The following DPYD variants were observed in gnomAD, a reference collection of about 807,000 sequenced individuals.
The protein encoded by DPYD is dihydropyrimidine dehydrogenase [NADP(+)].
Under a neutral mutation model 116.2 loss-of-function variants are expected in DPYD, and 109 were observed. The observed-to-expected ratio is 0.94, with a 90% CI of 0.80 to 1.10. DPYD has a LOEUF of 1.10. Among genes scored for constraint, DPYD ranks in the 50% least tolerant of loss-of-function variants. DPYD has a pLI of 0.00. For missense variants in DPYD, 1,302 were observed against 1,254.5 expected, an observed-to-expected ratio of 1.04 and a Z score of -0.57; for synonymous variants, 440 against 432.0, an observed-to-expected ratio of 1.02 and a Z score of -0.23.
At chr1:97,363,486 T>C (rs199664758) in intron 16 of DPYD, among the ~76,000 whole-genome samples, 2 of 152,152 alleles carry the variant, frequency 1.3e-5, no homozygotes, top group Non-Finnish European at 2.9e-5. Context: ...CATGCTACTA[T>C]AAAGACACAT....
intron 1 of DPYD, among the ~76,000 whole-genome samples, chr1:97,905,667 T>C (rs1673578788): frequency 6.6e-6 from 1 of 152,156 alleles, no homozygotes; most frequent in South Asian, 2.1e-4. Context: ...ATCTGGCCTG[T>C]GGATTAGACG....
At chr1:97,423,960 A>G (rs1177555796) in intron 14 of DPYD, among the ~76,000 whole-genome samples, 1 of 152,054 alleles carries the variant, frequency 6.6e-6, no homozygotes, top group East Asian at 1.9e-4. Flanking sequence ...CCAAAAATAG[A>G]CCTAGTCCTC....
chr1:97,544,073 T>A (rs576053421), intron 12 of DPYD, among the ~76,000 whole-genome samples: 1 of 152,228 alleles, frequency 6.6e-6, no homozygotes, highest in South Asian at 2.1e-4. Context: ...TGAGTAAAAG[T>A]CATTGAAGGG....
intron 1 of DPYD, among the ~76,000 whole-genome samples, chr1:97,896,590 T>C (rs1337878671): frequency 1.3e-5 from 2 of 151,920 alleles, no homozygotes; most frequent in Admixed American, 6.6e-5. Flanking sequence ...TTTAAGTATA[T>C]AATTCATGAA....
intron 21 of DPYD, among the ~76,000 whole-genome samples, chr1:97,085,060 T>A (rs1236179257): frequency 6.6e-6 from 1 of 152,196 alleles, no homozygotes; most frequent in Non-Finnish European, 1.5e-5. Context: ...AGTCAAAGTA[T>A]CTGAATATGT....
At chr1:97,565,521 C>G (rs1418196041) in intron 11 of DPYD, among the ~76,000 whole-genome samples, 1 of 152,178 alleles carries the variant, frequency 6.6e-6, no homozygotes, top group Non-Finnish European at 1.5e-5. Flanking sequence ...CACACACCAT[C>G]TGGTCCAGCA....
chr1:97,735,280 C>T (rs1056772479), intron 4 of DPYD, among the ~76,000 whole-genome samples: 2 of 152,048 alleles, frequency 1.3e-5, no homozygotes, highest in Non-Finnish European at 2.9e-5. Flanking sequence ...GAACACAAAG[C>T]ACTCAGTGGA....
At chr1:97,127,330 G>A (rs576051160) in intron 20 of DPYD, among the ~76,000 whole-genome samples, 3 of 152,148 alleles carry the variant, frequency 2.0e-5, no homozygotes, top group Non-Finnish European at 4.4e-5. Context: ...AAGGGAGCCT[G>A]GGTTGGTCCA....
intron 8 of DPYD, among the ~76,000 whole-genome samples, chr1:97,646,587 T>C (rs1658275246): frequency 6.6e-6 from 1 of 152,140 alleles, no homozygotes; most frequent in Admixed American, 6.6e-5. Flanking sequence ...AATGTTTTGT[T>C]ATTTTCTTTA....
chr1:97,115,048 C>G (rs1651867991), intron 20 of DPYD, among the ~76,000 whole-genome samples: 1 of 152,138 alleles, frequency 6.6e-6, no homozygotes, highest in Admixed American at 6.6e-5. Context: ...TAAATGCACT[C>G]TATTCACAAC....
intron 1 of DPYD, among the ~76,000 whole-genome samples, chr1:97,918,391 T>C (rs1674333035): frequency 6.6e-6 from 1 of 151,958 alleles, no homozygotes; most frequent in East Asian, 1.9e-4. Context: ...TTAATATATC[T>C]GAAAAAAAAC....
intron 1 of DPYD, among the ~76,000 whole-genome samples, chr1:97,911,604 T>TAC (rs1243886697): frequency 6.6e-6 from 1 of 151,996 alleles, no homozygotes. Flanking sequence ...AAAGAAAATG[T>TAC]ACACACACAT....
At chr1:97,586,465 CATATATATATATATATATAT>C (rs57301424) in intron 10 of DPYD, among the ~76,000 whole-genome samples, 596 of 34,316 alleles carry the variant, frequency 0.017, 9 homozygotes, top group Non-Finnish European at 0.025. Context: ...TACATACATA[CATATATATATATATATATAT>C]ATATATATAT....
At chr1:97,624,433 C>T (rs1262856652) in intron 8 of DPYD, among the ~76,000 whole-genome samples, 1 of 151,922 alleles carries the variant, frequency 6.6e-6, no homozygotes, top group African/African-American at 2.4e-5. Context: ...CATCTCAAAC[C>T]TGTCAGAATA....
intron 18 of DPYD, among the ~76,000 whole-genome samples, chr1:97,257,424 C>T (rs1322169325): frequency 7.9e-6 from 1 of 126,976 alleles, no homozygotes; most frequent in African/African-American, 3.6e-5. Context: ...AGTAAAAGTA[C>T]ATATACATAC....
chr1:97,533,725 T>A (rs1448196347), intron 12 of DPYD, among the ~76,000 whole-genome samples: 2 of 152,200 alleles, frequency 1.3e-5, no homozygotes, highest in African/African-American at 4.8e-5. Context: ...CAGCCAATAC[T>A]TGCTCTTGTG....
At chr1:97,565,525 T>C (rs751128866) in intron 11 of DPYD, among the ~76,000 whole-genome samples, 1 of 152,120 alleles carries the variant, frequency 6.6e-6, no homozygotes, top group South Asian at 2.1e-4. Context: ...CACCATCTGG[T>C]CCAGCAAAAC....
intron 12 of DPYD, among the ~76,000 whole-genome samples, chr1:97,547,692 T>G (rs1651007273): frequency 6.6e-6 from 1 of 150,432 alleles, no homozygotes; most frequent in African/African-American, 2.4e-5. Flanking sequence ...GTTGTTGTTG[T>G]TGTTTAAAGA....
chr1:97,176,371 G>A (rs1172648805), intron 20 of DPYD, among the ~76,000 whole-genome samples: 1 of 152,180 alleles, frequency 6.6e-6, no homozygotes, highest in Admixed American at 6.5e-5. Context: ...GAGAAGGTGT[G>A]GAGGTGGCAA....
Sources: gnomAD v4.1 joint callset for allele counts (sites outside exome capture counted in the v4.1 genomes callset) on GRCh38, gnomAD v4.1.1 for gene constraint, MANE v1.5 for transcripts, NCBI Gene and HGNC (gene_info 2026-07-23, HGNC 2026-07-21) for gene names.